Variants in CD38 observed in about 807,000 individuals in gnomAD.
The protein encoded by CD38 is CD38 molecule.
Under a neutral mutation model 36.3 loss-of-function variants are expected in CD38, and 31 were observed. That is an observed-to-expected ratio of 0.85 (90% confidence interval 0.64 to 1.15). The LOEUF is 1.15. Ranked by LOEUF, CD38 falls within the 50% of genes most tolerant of loss-of-function variation. The pLI, the probability that CD38 is intolerant of heterozygous loss-of-function variation, is 0.00. For synonymous variants in CD38, 131 were observed against 135.2 expected (o/e 0.97, Z 0.22); for missense variants, 380 against 371.9 (o/e 1.02, Z -0.18).
intron 7 of CD38, among the ~76,000 whole-genome samples, chr4:15,842,287 C>T (rs919022633): frequency 4.4e-5 from 6 of 137,142 alleles, no homozygotes; most frequent in Non-Finnish European, 7.7e-5. Flanking sequence ...GAGGCACCCC[C>T]CAGCAGGGGC....
intron 1 of CD38, among the ~76,000 whole-genome samples, chr4:15,779,534 G>A (rs867642948): frequency 6.6e-6 from 1 of 152,174 alleles, no homozygotes; most frequent in African/African-American, 2.4e-5. Context: ...TTTACACTCT[G>A]TGCTTTGGGA....
At chr4:15,790,916 G>A (rs1248204817) in intron 1 of CD38, among the ~76,000 whole-genome samples, 2 of 150,330 alleles carry the variant, frequency 1.3e-5, no homozygotes, top group Non-Finnish European at 3.0e-5. Context: ...CCCCGTCTGA[G>A]AGGTGAGGAG....
chr4:15,820,415 A>G (rs1723706737), intron 2 of CD38, among the ~76,000 whole-genome samples: 1 of 152,172 alleles, frequency 6.6e-6, no homozygotes, highest in African/African-American at 2.4e-5. Context: ...GATAGTCAAG[A>G]TCAATTGGTG....
chr4:15,820,519 A>G (rs533644965), intron 2 of CD38, among the ~76,000 whole-genome samples: 1 of 152,336 alleles, frequency 6.6e-6, no homozygotes, highest in East Asian at 1.9e-4. Context: ...GGGAAACAGA[A>G]AAGAGCAGGG....
chr4:15,805,970 G>A (rs1233487688), intron 1 of CD38, among the ~76,000 whole-genome samples: 1 of 152,192 alleles, frequency 6.6e-6, no homozygotes. Context: ...GTGCTTTTAG[G>A]CAAGAGGATT....
chr4:15,797,030 A>C (rs1380246587), intron 1 of CD38, among the ~76,000 whole-genome samples: 1 of 152,180 alleles, frequency 6.6e-6, no homozygotes, highest in African/African-American at 2.4e-5. Context: ...AATTTTGAAA[A>C]AATTGTCGAA....
intron 4 of CD38, among the ~76,000 whole-genome samples, chr4:15,836,094 T>C (rs972951395): frequency 6.6e-6 from 1 of 152,208 alleles, no homozygotes; most frequent in African/African-American, 2.4e-5. Flanking sequence ...AATGTATTTG[T>C]TAAGTGCATA....
intron 1 of CD38, among the ~76,000 whole-genome samples, chr4:15,786,231 C>G (rs569257220): frequency 1.3e-5 from 2 of 152,198 alleles, no homozygotes; most frequent in South Asian, 2.1e-4. Flanking sequence ...TTGGCTCCCC[C>G]CAGCCTGCTT....
chr4:15,824,932 C>T lies in CD38; in HGVS notation c.415C>T (p.Gln139Ter). ...TCTGGCCCATCAGTTCACACAGGTC[C>T]AGCGGGACATGTTCACCCTGGAGGA... The part of the protein sequence containing the change: ...KDLAHQFTQV[Q>*]RDMFTLEDTL... The change falls in exon 3 of 8, where the codon CAG becomes TAG. Residue 139 changes from glutamine (Q) to a stop codon, truncating the protein, a stop_gained. Coordinates refer to ENST00000226279, the MANE Select transcript of CD38 (RefSeq NM_001775.4). LOFTEE classifies it high-confidence loss of function. 6.2e-7 allele frequency: 1 copy of T among 1,613,882 alleles called. No homozygotes were observed. The highest frequency in any genetic ancestry group is 1.1e-5 in the South Asian group (1 of 91,076).
intron 2 of CD38, among the ~76,000 whole-genome samples, chr4:15,822,075 G>A (rs769595705): frequency 6.6e-6 from 1 of 152,036 alleles, no homozygotes; most frequent in Non-Finnish European, 1.5e-5. Flanking sequence ...TACATAAAGA[G>A]AACTAAAGAC....
chr4:15,803,423 AG>A (rs2148919033), intron 1 of CD38, among the ~76,000 whole-genome samples: 1 of 152,322 alleles, frequency 6.6e-6, no homozygotes, highest in Non-Finnish European at 1.5e-5. Context: ...GGAACTTAAC[AG>A]CAAAAAGCCA....
intron 1 of CD38, among the ~76,000 whole-genome samples, chr4:15,784,885 G>A (rs143985889): frequency 0.067 from 10,249 of 151,980 alleles, 380 homozygotes; most frequent in African/African-American, 0.076. Flanking sequence ...GTGAAACCCC[G>A]TCTCTACTAA....
chr4:15,840,348 C>G, intron 6 of CD38, 104 bp from the exon 7 acceptor site: 2 of 802,052 alleles, frequency 2.5e-6, no homozygotes, highest in East Asian at 4.9e-5. Flanking sequence ...TCTACTTTAC[C>G]TCTTTATCCA....
rs577229003 is a variant in CD38, at chr4:15,797,064, T to C, written c.233+18417T>C. On this transcript the variant is annotated intron_variant, in intron 1 of 7. Coordinates refer to ENST00000226279, the MANE Select transcript of CD38 (RefSeq NM_001775.4). ...AACTTCTCTTCACAAGGCAATTATC[T>C]TCTTGAGGTAATGAGAACTCCTATT... Among the ~76,000 whole-genome samples the C allele has an allele frequency of 6.3e-4, 96 of 152,314 alleles. 3 individuals carry two copies. The South Asian group carries it at 0.018, about 29-fold the overall frequency.
At chr4:15,800,063 A>G (rs1723186610) in intron 1 of CD38, among the ~76,000 whole-genome samples, 1 of 152,146 alleles carries the variant, frequency 6.6e-6, no homozygotes, top group Admixed American at 6.5e-5. Context: ...AAACAGACAC[A>G]CAACTCTCCC....
intron 1 of CD38, among the ~76,000 whole-genome samples, chr4:15,814,193 G>A (rs1468221565): frequency 6.6e-6 from 1 of 152,194 alleles, no homozygotes; most frequent in Non-Finnish European, 1.5e-5. Flanking sequence ...TTTCTCTAAT[G>A]ACCAGTGATG....
intron 3 of CD38, among the ~76,000 whole-genome samples, chr4:15,829,509 C>CA (rs1723918516): frequency 2.0e-5 from 3 of 152,072 alleles, no homozygotes; most frequent in Admixed American, 6.6e-5. Flanking sequence ...AAAAAAATCG[C>CA]AAAAAATCTC....
chr4:15,797,479 G>C lies in CD38; in HGVS notation c.233+18832G>C, dbSNP rs548888569. 5.9e-5 allele frequency among the ~76,000 whole-genome samples: 9 copies of C among 152,282 alleles called. No homozygotes were observed. In the South Asian group the frequency reaches 1.9e-3, roughly 32 times the overall value. ...TTTTTCCCAGTGTGTTTAATAGAAT[G>C]ACTAAGGTAGAATGACTAAAGTTCT... On this transcript the variant is annotated intron_variant, in intron 1 of 7. Transcript: ENST00000226279.
Position 15,824,917 on chromosome 4 carries a change from C to G in CD38, c.400C>G (p.Gln134Glu). The G allele has an allele frequency of 6.2e-7, 1 of 1,613,566 alleles. No individual in the cohort carries two copies. The highest frequency in any genetic ancestry group is 8.5e-7 in the Non-Finnish European group (1 of 1,179,584). Residue 134 changes from glutamine to glutamate, a missense_variant, in exon 3 of 8, where the codon CAG becomes GAG. By Grantham distance (29) the Gln-to-Glu change is conservative (BLOSUM62 2). Coordinates refer to ENST00000226279, the MANE Select transcript of CD38 (RefSeq NM_001775.4). Reference protein sequence around the residue: ...LWSRIKDLAHQFTQVQRDMFT... With the variant: ...LWSRIKDLAHEFTQVQRDMFT... ...GAGCAGAATAAAAGATCTGGCCCAT[C>G]AGTTCACACAGGTCCAGCGGGACAT...
Sources: allele counts gnomAD v4.1 joint callset (sites outside exome capture counted in the v4.1 genomes callset), GRCh38; gene constraint gnomAD v4.1.1; transcripts MANE v1.5; gene names NCBI Gene and HGNC (gene_info 2026-07-23, HGNC 2026-07-21).